NR2C2: variants seen among roughly 807,000 people sequenced by gnomAD.
NR2C2 encodes Nuclear hormone receptor TR4.
A neutral mutation model predicts 62.9 loss-of-function variants in NR2C2; 6 were observed. The observed-to-expected ratio is 0.10, with a 90% CI of 0.05 to 0.19. The LOEUF (loss-of-function observed/expected upper bound fraction) is 0.19. Among genes scored for constraint, NR2C2 ranks in the 10% least tolerant of loss-of-function variants. NR2C2 has a pLI of 1.00. For missense variants in NR2C2, 479 were observed against 762.7 expected (o/e 0.63, Z 4.38); for synonymous variants, 272 against 273.8 (o/e 0.99, Z 0.07).
At chr3:14,991,205 A>G (rs2040660622) in intron 1 of NR2C2, among the ~76,000 whole-genome samples, 1 of 152,222 alleles carries the variant, frequency 6.6e-6, no homozygotes, top group Admixed American at 6.5e-5. Flanking sequence ...TCATTCCCTC[A>G]TTAGCTTTAC....
At chr3:14,980,773 A>G (rs550443396) in intron 1 of NR2C2, among the ~76,000 whole-genome samples, 6 of 152,238 alleles carry the variant, frequency 3.9e-5, no homozygotes, top group Non-Finnish European at 7.3e-5. Context: ...GAGTAATTGC[A>G]TAAATGGATA....
Position 14,947,627 on chromosome 3 carries a change from C to T in NR2C2, c.-319C>T, listed in dbSNP as rs2039156402. ...ACCAGCGCGCGGGCGGCGGCGGCGG[C>T]GGCACCGGGGTCACGAACTCTGACC... On this transcript the variant is annotated 5_prime_UTR_variant, in exon 1 of 14. Coordinates refer to ENST00000425241, the MANE Select transcript of NR2C2 (RefSeq NM_001291694.2). 1.3e-5 allele frequency: 2 copies of T among 152,268 alleles called. No homozygotes were observed. The highest frequency in any genetic ancestry group is 1.4e-5 in the Non-Finnish European group (1 of 69,060). The allele number at this position is 152,268 out of a possible 1,614,324, so 9.4% of individuals were successfully genotyped here. A position where few individuals can be genotyped will look rare whatever the true frequency, so the allele number is the denominator to read the frequency against.
At chr3:15,001,318 G>GTTTTTTTTT (rs61017075) in intron 1 of NR2C2, among the ~76,000 whole-genome samples, 1 of 97,484 alleles carries the variant, frequency 1.0e-5, no homozygotes, top group African/African-American at 3.8e-5. Flanking sequence ...TTTGTTTTGG[G>GTTTTTTTTT]TTTTTTTTTT....
At chr3:15,016,956 A>G (rs1417160724) in intron 4 of NR2C2, among the ~76,000 whole-genome samples, 3 of 152,190 alleles carry the variant, frequency 2.0e-5, no homozygotes, top group Admixed American at 6.5e-5. Context: ...ATAGAAGGTT[A>G]GTGAGGCAGA....
intron 2 of NR2C2, among the ~76,000 whole-genome samples, chr3:15,008,525 A>G (rs1319955037): frequency 1.1e-5 from 1 of 93,122 alleles, no homozygotes; most frequent in African/African-American, 6.8e-5. Flanking sequence ...TGGTCTCAAG[A>G]AAAAAAAAAA....
chr3:15,000,023 G>A lies in NR2C2; in HGVS notation c.-39-3853G>A, dbSNP rs564597374. On this transcript the variant is annotated intron_variant, in intron 1 of 13. Coordinates refer to ENST00000425241, the MANE Select transcript of NR2C2 (RefSeq NM_001291694.2). ...CACCTTAAATACTTATTTTTGCCAT[G>A]AGAACATTTGAAATTTACTCTTAGC... 3.9e-5 allele frequency among the ~76,000 whole-genome samples: 6 copies of A among 152,084 alleles called. 1 individual carries two copies. The South Asian group carries it at 1.2e-3, about 32-fold the overall frequency.
Position 15,013,775 on chromosome 3 carries a change from C to G in NR2C2, c.259C>G (p.Pro87Ala), listed in dbSNP as rs2041422696. 1.9e-6 allele frequency: 3 copies of G among 1,614,074 alleles called. No homozygotes were observed. The highest frequency in any genetic ancestry group is 2.5e-6 in the Non-Finnish European group (3 of 1,180,024). ...ATTCACCACCTCAGACAACCTCGTC[C>G]CTGGCAGGATCCAGGTAAGGCCTTT... Reference protein sequence around the residue: ...LIFTTSDNLVPGRIQIVTDSA... With the variant: ...LIFTTSDNLVAGRIQIVTDSA... Residue 87 changes from proline (P) to alanine (A), a missense_variant, in exon 3 of 14, where the codon CCT becomes GCT. Around this residue, in one of 4 missense-constraint regions of NR2C2, gnomAD observed 115 missense variants for 152.3 expected, o/e 0.76. Coordinates refer to ENST00000425241, the MANE Select transcript of NR2C2 (RefSeq NM_001291694.2).
At chr3:14,964,527 T>C (rs989868963) in intron 1 of NR2C2, among the ~76,000 whole-genome samples, 9 of 134,872 alleles carry the variant, frequency 6.7e-5, no homozygotes, top group African/African-American at 2.5e-4. Context: ...TTATTTTTTA[T>C]TTTTTTGAGA....
At chr3:15,002,534 C>A (rs1027473925) in intron 1 of NR2C2, among the ~76,000 whole-genome samples, 1 of 147,910 alleles carries the variant, frequency 6.8e-6, no homozygotes, top group Non-Finnish European at 1.5e-5. Flanking sequence ...CTGTAGTTTT[C>A]TTTTCCTGTG....
chr3:15,001,791 G>T lies in NR2C2; in HGVS notation c.-39-2085G>T, dbSNP rs184443360. Among the ~76,000 whole-genome samples, 101 of 151,984 alleles carry T rather than the reference G, an allele frequency of 6.6e-4. 4 individuals are homozygous for T. The highest frequency in any genetic ancestry group is 1.4e-3 in the East Asian group (7 of 5,170). The stretch of plus-strand genomic sequence containing the variant: ...TACCACCACACACACCTGATTTTTT[G>T]ATTTTTTTGTAGAGATGGGTCTTGC... On this transcript the variant is annotated intron_variant, in intron 1 of 13. Coordinates refer to ENST00000425241, the MANE Select transcript of NR2C2 (RefSeq NM_001291694.2).
rs1032543978 is a variant in NR2C2, at chr3:15,044,064, C to T, written c.*1056C>T. ...TGAGCGTTACCTTCCCAGGGCTTTC[C>T]ACTCCAAATGCCCCCTTGAAAAGGG... On this transcript the variant is annotated 3_prime_UTR_variant, in exon 14 of 14. Transcript: ENST00000425241. 1 of 152,128 alleles carries T rather than the reference C, an allele frequency of 6.6e-6. No individual in the cohort carries two copies. Among genetic ancestry groups the T allele is most frequent in the African/African-American group, 2.4e-5 (1 of 41,412 alleles). The allele number at this position is 152,128 out of a possible 1,614,324, so 9.4% of individuals were successfully genotyped here. A position where few individuals can be genotyped will look rare whatever the true frequency, so the allele number is the denominator to read the frequency against.
At chr3:15,020,139 A>G (rs1458503559) in intron 4 of NR2C2, among the ~76,000 whole-genome samples, 1 of 152,190 alleles carries the variant, frequency 6.6e-6, no homozygotes, top group Non-Finnish European at 1.5e-5. Context: ...GAAGGCTTTG[A>G]GTGGCTAGCC....
At chr3:15,003,702 C>T (rs1163995881) in intron 1 of NR2C2, among the ~76,000 whole-genome samples, 174 bp from the exon 2 acceptor site, 1 of 152,160 alleles carries the variant, frequency 6.6e-6, no homozygotes, top group Non-Finnish European at 1.5e-5. Context: ...TCCTGGGGGG[C>T]ATCCTGTAGC....
intron 1 of NR2C2, among the ~76,000 whole-genome samples, chr3:14,999,772 A>C (rs1027223843): frequency 1.3e-5 from 2 of 151,660 alleles, no homozygotes; most frequent in African/African-American, 4.9e-5. Flanking sequence ...TTCTTTGCCT[A>C]TTGAATTATC....
At chr3:15,000,572 C>T (rs942232042) in intron 1 of NR2C2, among the ~76,000 whole-genome samples, 8 of 152,072 alleles carry the variant, frequency 5.3e-5, no homozygotes, top group South Asian at 2.1e-4. Context: ...TTTTAATTAC[C>T]GTAGCTTTGT....
chr3:14,984,427 A>G (rs1189193125), intron 1 of NR2C2, among the ~76,000 whole-genome samples: 1 of 152,120 alleles, frequency 6.6e-6, no homozygotes, highest in African/African-American at 2.4e-5. Flanking sequence ...TTCTTTTCTA[A>G]TATAAGCATT....
At chr3:15,036,251 C>G (rs1214493671) in intron 11 of NR2C2, among the ~76,000 whole-genome samples, 1 of 151,874 alleles carries the variant, frequency 6.6e-6, no homozygotes, top group East Asian at 1.9e-4. Context: ...TAGTCCAGGA[C>G]ATACGTACCT....
At chr3:14,987,114 A>G (rs2040533894) in intron 1 of NR2C2, among the ~76,000 whole-genome samples, 1 of 152,162 alleles carries the variant, frequency 6.6e-6, no homozygotes, top group Non-Finnish European at 1.5e-5. Context: ...GCAGATTCTC[A>G]CTCTGCCACC....
At chr3:14,967,549 A>AT (rs202243639) in intron 1 of NR2C2, among the ~76,000 whole-genome samples, 216 of 151,482 alleles carry the variant, frequency 1.4e-3, no homozygotes, top group East Asian at 2.3e-3. Context: ...AATGTGGTTC[A>AT]TTTTTTTTTA....
Sources: gnomAD v4.1 joint callset for allele counts (sites outside exome capture counted in the v4.1 genomes callset) on GRCh38, gnomAD v4.1.1 for gene constraint, gnomAD v4.1.1 regional missense constraint, MANE v1.5 for transcripts, NCBI Gene and HGNC (gene_info 2026-07-23, HGNC 2026-07-21) for gene names.